MORC4: variants seen among roughly 807,000 people sequenced by gnomAD.
The protein encoded by MORC4 is MORC family CW-type zinc finger protein 4.
In MORC4, 22 loss-of-function variants were observed where a neutral mutation model predicts 65.5. The ratio of observed to expected loss-of-function variants is 0.34; its 90% CI spans 0.24 to 0.48. The LOEUF is 0.48. MORC4 is among the 20% of genes least tolerant of loss of function. The pLI is 0.99. For missense variants in MORC4, 624 were observed against 703.0 expected, an observed-to-expected ratio of 0.89 and a Z score of 1.27; for synonymous variants, 267 against 255.8, an observed-to-expected ratio of 1.04 and a Z score of -0.42.
chrX:106,953,610 A>G (rs1014767910), intron 14 of MORC4, among the ~76,000 whole-genome samples: 3 of 111,076 alleles, frequency 2.7e-5, no homozygotes, highest in Non-Finnish European at 5.7e-5. Flanking sequence ...TTCAACCATT[A>G]CTTATTGAGT....
chrX:106,955,148 A>C (rs971721004), intron 13 of MORC4, 60 bp from the exon 14 acceptor site: 8 of 860,464 alleles, frequency 9.3e-6, no homozygotes, highest in Non-Finnish European at 1.3e-5. Flanking sequence ...CCAAAGGATG[A>C]GTCAATCCTT....
In MORC4 at chrX:106,985,322, A is replaced by G. The variant is rs1361713666; in HGVS notation, c.527-79T>C. 8.1e-6 allele frequency: 6 copies of G among 738,594 alleles called. No homozygotes were observed. The Admixed American group carries it at 1.2e-4, about 15-fold the overall frequency. The allele number at this position is 738,594 out of a possible 1,213,427, so 60.9% of individuals were successfully genotyped here. A position where few individuals can be genotyped will look rare whatever the true frequency, so the allele number is the denominator to read the frequency against. Reference sequence around the variant, plus strand: ...GGAAGATCTGCCCTTTGGATTGCATATTTAGACAAAACTATAGACATACAG... The same window carrying G: ...GGAAGATCTGCCCTTTGGATTGCATGTTTAGACAAAACTATAGACATACAG... On this transcript the variant is annotated intron_variant, in intron 4 of 16. Transcript: ENST00000355610.
intron 5 of MORC4, among the ~76,000 whole-genome samples, chrX:106,983,423 T>A (rs907190337): frequency 3.6e-5 from 4 of 111,963 alleles, no homozygotes; most frequent in Non-Finnish European, 7.5e-5. Flanking sequence ...TTTACCCAGG[T>A]AAATGAGACA....
intron 10 of MORC4, among the ~76,000 whole-genome samples, chrX:106,959,049 A>G (rs1447080413): frequency 1.8e-5 from 2 of 111,868 alleles, no homozygotes; most frequent in Non-Finnish European, 3.8e-5. Context: ...TGCTTATAAT[A>G]CTTCAATCAA....
Position 106,986,070 on chromosome X carries a change from T to C in MORC4, c.439A>G (p.Thr147Ala). 1 of 1,210,724 alleles carries C rather than the reference T, an allele frequency of 8.3e-7. No homozygotes were observed. The highest frequency in any genetic ancestry group is 1.1e-6 in the Non-Finnish European group (1 of 894,505). Residue 147 changes from threonine (T) to alanine (A), a missense_variant, in exon 4 of 17, where the codon ACT becomes GCT. By Grantham distance (58) the Thr-to-Ala change is moderately conservative (BLOSUM62 0). Transcript: ENST00000355610. Reference sequence around the variant, plus strand: ...TAGGTCTGTGATAGAAGTCCAACAGTGAGAGTACCCCCATTCTTGGTGAAG... The same window carrying C: ...TAGGTCTGTGATAGAAGTCCAACAGCGAGAGTACCCCCATTCTTGGTGAAG... ...LVFTKNGGTL[T>A]VGLLSQTYLE...
chrX:106,963,711 C>G (rs1021766232), intron 9 of MORC4, among the ~76,000 whole-genome samples: 18 of 110,987 alleles, frequency 1.6e-4, no homozygotes, highest in African/African-American at 5.9e-4. Flanking sequence ...CTTTTGTGAG[C>G]CAGACATAAA....
rs1204923525 is a variant in MORC4 at position 106,976,584 on chromosome X, C to T, written c.1157G>A (p.Arg386Gln). 1.7e-6 allele frequency: 2 copies of T among 1,183,737 alleles called. No homozygotes were observed. Among genetic ancestry groups the T allele is most frequent in the Non-Finnish European group, 1.1e-6 (1 of 871,249 alleles). The change falls in exon 9 of 17, where the codon CGG becomes CAG. Residue 386 changes from arginine to glutamine, a missense_variant and splice_region_variant. Arg to Gln is a conservative substitution (Grantham distance 43). Transcript: ENST00000355610. ...KQDFEYTKEY[R>Q]LTINALAQKL... is the part of the protein sequence containing the mutation. The stretch of plus-strand genomic sequence containing the variant: ...GCACCTCAGGTTGGGAGTGACTCAC[C>T]GGTACTCCTTGGTATACTCAAAGTC...
chrX:106,954,534 C>T (rs1294998053), intron 14 of MORC4, among the ~76,000 whole-genome samples: 1 of 112,314 alleles, frequency 8.9e-6, no homozygotes, highest in East Asian at 2.8e-4. Flanking sequence ...CCCAAGAGAA[C>T]TTCAATATCC....
intron 10 of MORC4, among the ~76,000 whole-genome samples, chrX:106,961,249 T>C (rs1471411852): frequency 8.9e-6 from 1 of 112,304 alleles, no homozygotes; most frequent in Non-Finnish European, 1.9e-5. Flanking sequence ...AGTAACTTAC[T>C]TACCCAAGCT....
In MORC4 at chrX:106,942,926, C is replaced by A; in HGVS notation, c.1965G>T (p.Gly655=). The change falls in exon 15 of 17, where the codon GGG becomes GGT. Residue 655 remains glycine, a synonymous_variant. Coordinates refer to ENST00000355610, the MANE Select transcript of MORC4 (RefSeq NM_024657.5). Reference sequence around the variant, plus strand: ...CTTCTAATTCTTCAGGAAGCAGGGACCCCTGGCGTTGGTCTTTGGCCCCTG... The same window carrying A: ...CTTCTAATTCTTCAGGAAGCAGGGAACCCTGGCGTTGGTCTTTGGCCCCTG... ...LYPGAKDQRQ[G]SLLPEELEDQ... 8.3e-7 allele frequency: 1 copy of A among 1,211,833 alleles called. No individual in the cohort carries two copies. Among genetic ancestry groups the A allele is most frequent in the South Asian group, 1.8e-5 (1 of 56,952 alleles).
At chrX:106,968,049 T>G (rs776864923) in intron 9 of MORC4, among the ~76,000 whole-genome samples, 1 of 111,595 alleles carries the variant, frequency 9.0e-6, no homozygotes, top group South Asian at 3.8e-4. Flanking sequence ...GGAAAAACTG[T>G]TAAGAGCAGC....
In MORC4 at chrX:106,988,416, G is replaced by C. The variant is rs1300035767; in HGVS notation, c.309-2216C>G. Among the ~76,000 whole-genome samples, 3 of 111,789 alleles carry C rather than the reference G, an allele frequency of 2.7e-5. No homozygotes were observed. The Admixed American group carries it at 2.8e-4, about 11-fold the overall frequency. On this transcript the variant is annotated intron_variant, in intron 3 of 16. Transcript: ENST00000355610. ...TACAAGGTTGAGAAGATAAGTAGTA[G>C]TGCCAGGCCAGAACCAGAATGGAAA... is the stretch of plus-strand genomic sequence containing the variant.
intron 9 of MORC4, among the ~76,000 whole-genome samples, chrX:106,965,694 A>C (rs1457494133): frequency 1.8e-5 from 2 of 112,495 alleles, no homozygotes; most frequent in Non-Finnish European, 3.8e-5. Flanking sequence ...TGCCTTCAAC[A>C]GACATTAGTA....
chrX:106,965,279 TA>T (rs898904048), intron 9 of MORC4, among the ~76,000 whole-genome samples: 1 of 111,596 alleles, frequency 9.0e-6, no homozygotes, highest in Non-Finnish European at 1.9e-5. Context: ...TGTCATAACT[TA>T]AAAGATATTA....
Position 106,981,429 on chromosome X carries a change from G to A in MORC4, c.723C>T (p.Asp241=), listed in dbSNP as rs369744418. 7.7e-5 allele frequency: 92 copies of A among 1,201,231 alleles called. No homozygotes were observed. In the East Asian group the frequency reaches 9.8e-4, roughly 13 times the overall value. ...SELDFDTDQY[D]ILVSDFDTEE... ...CTGTGTCAAAGTCTGATACCAGGAT[G>A]TCATATTGATCTGTATCAAAGTCCA... Residue 241 remains aspartate, a synonymous_variant, in exon 6 of 17, where the codon GAC becomes GAT. Coordinates refer to ENST00000355610, the MANE Select transcript of MORC4 (RefSeq NM_024657.5).
intron 14 of MORC4, among the ~76,000 whole-genome samples, chrX:106,947,586 T>C (rs1161035078): frequency 1.1e-5 from 1 of 91,328 alleles, no homozygotes; most frequent in Non-Finnish European, 2.1e-5. Flanking sequence ...TATATATATA[T>C]ATATAATATA....
intron 5 of MORC4, among the ~76,000 whole-genome samples, chrX:106,982,118 A>G (rs762930385): frequency 6.3e-5 from 7 of 111,557 alleles, no homozygotes; most frequent in Admixed American, 9.6e-5. Context: ...CTATATCACT[A>G]ACCACTGCCA....
chrX:106,985,876 C>A, intron 4 of MORC4, 107 bp downstream of exon 4: 6 of 604,331 alleles, frequency 9.9e-6, no homozygotes, highest in South Asian at 3.3e-5. Flanking sequence ...ATTTGAATAC[C>A]TCTTTTAAAA....
At chrX:106,975,400 T>C (rs1392000389) in intron 9 of MORC4, among the ~76,000 whole-genome samples, 2 of 111,240 alleles carry the variant, frequency 1.8e-5, no homozygotes, top group East Asian at 2.8e-4. Context: ...TGAGGGCAGG[T>C]AGTTGTCATA....
Sources: allele counts gnomAD v4.1 joint callset (sites outside exome capture counted in the v4.1 genomes callset), GRCh38; gene constraint gnomAD v4.1.1; transcripts MANE v1.5; gene names NCBI Gene and HGNC (gene_info 2026-07-23, HGNC 2026-07-21).